Variants in ASIC2 observed in about 807,000 individuals in gnomAD.
The protein encoded by ASIC2 is acid-sensing ion channel 2.
A neutral mutation model predicts 57.3 loss-of-function variants in ASIC2; 25 were observed. The ratio of observed to expected loss-of-function variants is 0.44; its 90% CI spans 0.32 to 0.61. The LOEUF is 0.61. Ranked by LOEUF, ASIC2 falls within the 20% of genes least tolerant of loss-of-function variation. ASIC2 has a pLI of 0.06. For missense variants in ASIC2, 641 were observed against 738.1 expected, an observed-to-expected ratio of 0.87 and a Z score of 1.52; for synonymous variants, 319 against 307.5, an observed-to-expected ratio of 1.04 and a Z score of -0.39.
intron 1 of ASIC2, among the ~76,000 whole-genome samples, chr17:34,043,211 T>C (rs1286906368): frequency 6.6e-6 from 1 of 152,216 alleles, no homozygotes; most frequent in African/African-American, 2.4e-5. Context: ...GTTCTGGTGA[T>C]TCATTTATGG....
chr17:33,266,836 C>T (rs943763877), intron 1 of ASIC2, among the ~76,000 whole-genome samples: 9 of 152,124 alleles, frequency 5.9e-5, no homozygotes, highest in Admixed American at 2.0e-4. Flanking sequence ...TGTTGGCTCC[C>T]TGTGACTTTA....
chr17:33,150,349 C>T (rs1207559376), intron 1 of ASIC2, among the ~76,000 whole-genome samples: 6 of 152,198 alleles, frequency 3.9e-5, no homozygotes, highest in Non-Finnish European at 8.8e-5. Flanking sequence ...GCCCTACTTG[C>T]TGTTCAGGGA....
At chr17:34,019,189 G>A (rs1289285358) in intron 1 of ASIC2, among the ~76,000 whole-genome samples, 1 of 151,864 alleles carries the variant, frequency 6.6e-6, no homozygotes, top group Non-Finnish European at 1.5e-5. Flanking sequence ...TTACAGGCTT[G>A]AGCCACCACG....
intron 1 of ASIC2, among the ~76,000 whole-genome samples, chr17:33,454,100 T>C (rs774180530): frequency 6.6e-6 from 1 of 152,392 alleles, no homozygotes; most frequent in South Asian, 2.1e-4. Flanking sequence ...GCTCATATGC[T>C]GAAGTATACA....
chr17:33,423,026 G>A (rs533870541), intron 1 of ASIC2, among the ~76,000 whole-genome samples: 1 of 152,306 alleles, frequency 6.6e-6, no homozygotes, highest in Admixed American at 6.5e-5. Context: ...CATCTGAGAT[G>A]CTTTTAGCTG....
intron 1 of ASIC2, among the ~76,000 whole-genome samples, chr17:33,346,423 G>A (rs1011215336): frequency 6.6e-6 from 1 of 152,128 alleles, no homozygotes; most frequent in African/African-American, 2.4e-5. Context: ...CAGCGTAACA[G>A]TGGTGGTATT....
At chr17:33,719,855 T>C (rs1301663463) in intron 1 of ASIC2, among the ~76,000 whole-genome samples, 1 of 152,190 alleles carries the variant, frequency 6.6e-6, no homozygotes, top group Non-Finnish European at 1.5e-5. Context: ...AGAATGAATG[T>C]GTGTCATCCA....
chr17:33,723,926 A>T (rs554388955), intron 1 of ASIC2, among the ~76,000 whole-genome samples: 95 of 152,300 alleles, frequency 6.2e-4, no homozygotes, highest in African/African-American at 2.2e-3. Context: ...GGAGCTTGAA[A>T]TCATGCAGGA....
At chr17:33,481,477 T>A (rs1204962996) in intron 1 of ASIC2, among the ~76,000 whole-genome samples, 1 of 151,876 alleles carries the variant, frequency 6.6e-6, no homozygotes, top group Non-Finnish European at 1.5e-5. Context: ...CATCCCAATG[T>A]TTCCTCCCTC....
chr17:33,757,589 C>T (rs1446931880), intron 1 of ASIC2, among the ~76,000 whole-genome samples: 1 of 152,214 alleles, frequency 6.6e-6, no homozygotes, highest in Non-Finnish European at 1.5e-5. Flanking sequence ...GGGCACATAG[C>T]TCTCAGCTGA....
chr17:34,137,895 C>A (rs890797420), intron 1 of ASIC2, among the ~76,000 whole-genome samples: 3 of 152,160 alleles, frequency 2.0e-5, no homozygotes, highest in Admixed American at 6.5e-5. Context: ...TCATCTCCCA[C>A]AGGCCCTACC....
chr17:33,434,751 G>A (rs935864603), intron 1 of ASIC2, among the ~76,000 whole-genome samples: 2 of 152,324 alleles, frequency 1.3e-5, no homozygotes, highest in Middle Eastern at 6.8e-3. Flanking sequence ...AGGTTTGGCA[G>A]TGAGCGTTAA....
intron 1 of ASIC2, among the ~76,000 whole-genome samples, chr17:33,994,304 C>T (rs1404272882): frequency 6.6e-6 from 1 of 152,152 alleles, no homozygotes; most frequent in Non-Finnish European, 1.5e-5. Context: ...GGATTAGGCA[C>T]AGGATGCAAA....
At chr17:33,217,693 A>C (rs1907548588) in intron 1 of ASIC2, among the ~76,000 whole-genome samples, 1 of 152,128 alleles carries the variant, frequency 6.6e-6, no homozygotes. Flanking sequence ...CATCCTGGTG[A>C]CTCTGGGCTT....
chr17:34,057,892 C>G (rs1908828016), intron 1 of ASIC2, among the ~76,000 whole-genome samples: 1 of 150,116 alleles, frequency 6.7e-6, no homozygotes, highest in African/African-American at 2.5e-5. Flanking sequence ...CATTTTCACA[C>G]TCCCAGGTAG....
rs79447325 is a variant in ASIC2 at position 33,974,467 on chromosome 17, C to T, written c.555+181511G>A. On this transcript the variant is annotated intron_variant, in intron 1 of 9. Coordinates refer to the ASIC2 transcript ENST00000359872. ...CCTTGGGCAGTCACCCTCCATCTGG[C>T]GGCATGCAGTCTCAGTGGTGGTATC... 7.4e-3 allele frequency among the ~76,000 whole-genome samples: 1,119 copies of T among 152,244 alleles called. 21 individuals are homozygous for T. Among genetic ancestry groups the T allele is most frequent in the African/African-American group, 0.025 (1,036 of 41,540 alleles).
At chr17:33,939,376 C>T (rs569895282) in intron 1 of ASIC2, among the ~76,000 whole-genome samples, 2 of 152,348 alleles carry the variant, frequency 1.3e-5, no homozygotes, top group South Asian at 4.1e-4. Flanking sequence ...TATCTCTTGG[C>T]TCTAGGCCTG....
chr17:33,684,836 C>T (rs1908130353), intron 1 of ASIC2, among the ~76,000 whole-genome samples: 1 of 151,850 alleles, frequency 6.6e-6, no homozygotes, highest in African/African-American at 2.4e-5. Flanking sequence ...ACAAATTGGT[C>T]CCAGTCAAGA....
Position 33,926,736 on chromosome 17 carries a change from G to A in ASIC2, c.555+229242C>T, listed in dbSNP as rs536712194. ...GAAAAATCATGTATTCGGGGTAACC[G>A]AGCAGCACAGTAGCATCACCAGAAT... is the stretch of plus-strand genomic sequence containing the variant. On this transcript the variant is annotated intron_variant, in intron 1 of 9. Coordinates refer to the ASIC2 transcript ENST00000359872. Among the ~76,000 whole-genome samples, 35 of 152,310 alleles carry A rather than the reference G, an allele frequency of 2.3e-4. No individual in the cohort carries two copies. The East Asian group carries it at 6.4e-3, about 28-fold the overall frequency.
Sources: gnomAD v4.1 joint callset for allele counts (sites outside exome capture counted in the v4.1 genomes callset) on GRCh38, gnomAD v4.1.1 for gene constraint, MANE v1.5 for transcripts, NCBI Gene and HGNC (gene_info 2026-07-23, HGNC 2026-07-21) for gene names.